The following DCLK2 variants were observed in gnomAD, a reference collection of about 807,000 sequenced individuals.
DCLK2 encodes doublecortin like kinase 2, also known as serine/threonine-protein kinase DCLK2.
Under a neutral mutation model 78.4 loss-of-function variants are expected in DCLK2, and 31 were observed. The ratio of observed to expected loss-of-function variants is 0.40; its 90% CI spans 0.30 to 0.53. DCLK2 has a LOEUF of 0.53. Ranked by LOEUF, DCLK2 falls within the 20% of genes least tolerant of loss-of-function variation. The pLI, the probability that DCLK2 is intolerant of heterozygous loss-of-function variation, is 0.61. For missense variants in DCLK2, 872 were observed against 973.7 expected, an observed-to-expected ratio of 0.90 and a Z score of 1.39; for synonymous variants, 407 against 374.9, an observed-to-expected ratio of 1.09 and a Z score of -0.99.
intron 2 of DCLK2, among the ~76,000 whole-genome samples, chr4:150,192,379 C>T (rs1205450411): frequency 6.7e-6 from 1 of 148,372 alleles, no homozygotes; most frequent in Non-Finnish European, 1.5e-5. Context: ...ACTTGGGAGG[C>T]TGAGACAGGA....
Position 150,257,022 on chromosome 4 carries a change from T to C in DCLK2, c.*775T>C, listed in dbSNP as rs1306075439. On this transcript the variant is annotated 3_prime_UTR_variant, in exon 16 of 16. Coordinates refer to ENST00000296550, the MANE Select transcript of DCLK2 (RefSeq NM_001040260.4). ...GTGTGTTAGGAAATGCCCGTGAACTTGCCCTCTGGGCTTTTTAATGAGAGG... is the reference window on the plus strand; with the variant it reads ...GTGTGTTAGGAAATGCCCGTGAACTCGCCCTCTGGGCTTTTTAATGAGAGG... 6.6e-6 allele frequency: 1 copy of C among 152,286 alleles called. No individual in the cohort carries two copies. Among genetic ancestry groups the C allele is most frequent in the Non-Finnish European group, 1.5e-5 (1 of 68,064 alleles). 9.4% of individuals were successfully genotyped at this position (152,286 alleles called of 1,614,324 possible). A position where few individuals can be genotyped will look rare whatever the true frequency, so the allele number is the denominator to read the frequency against.
intron 10 of DCLK2, among the ~76,000 whole-genome samples, chr4:150,233,677 A>G (rs1251394397): frequency 6.6e-6 from 1 of 152,190 alleles, no homozygotes; most frequent in Non-Finnish European, 1.5e-5. Context: ...ATTATTCTAC[A>G]GAATAAAAAG....
At chr4:150,175,011 A>AAAAAATATATAT (rs1454035697) in intron 2 of DCLK2, among the ~76,000 whole-genome samples, 786 of 9,974 alleles carry the variant, frequency 0.079, 259 homozygotes, top group South Asian at 0.43. Context: ...AAAAAAAAAA[A>AAAAAATATATAT]ATATATATAT....
chr4:150,134,028 TA>T (rs1378492175), intron 2 of DCLK2, among the ~76,000 whole-genome samples: 1 of 151,468 alleles, frequency 6.6e-6, no homozygotes, highest in African/African-American at 2.4e-5. Flanking sequence ...ATGAGAATTA[TA>T]AATTTTGAAA....
intron 2 of DCLK2, among the ~76,000 whole-genome samples, chr4:150,187,817 T>TG (rs1220661989): frequency 4.4e-4 from 66 of 151,392 alleles, no homozygotes; most frequent in Admixed American, 2.0e-3. Context: ...TTTTTTTTTT[T>TG]TGTGACAGAG....
chr4:150,253,469 GAC>G, intron 15 of DCLK2: 9 of 1,289,650 alleles, frequency 7.0e-6, no homozygotes, highest in Non-Finnish European at 9.1e-6. Context: ...CATTTTGTTT[GAC>G]AGTTTGATTT....
chr4:150,204,014 C>T, intron 5 of DCLK2, 125 bp downstream of exon 5: 1 of 864,288 alleles, frequency 1.2e-6, no homozygotes, highest in Non-Finnish European at 1.7e-6. Context: ...GATTTTGAGC[C>T]TGGTAGACTT....
At position 150,190,059 on chromosome 4, in the gene DCLK2, T is replaced by G. The variant is rs1252055419; in HGVS notation, c.757-3079T>G. 4.1e-3 allele frequency among the ~76,000 whole-genome samples: 83 copies of G among 20,238 alleles called. 2 individuals are homozygous for G. Among genetic ancestry groups the G allele is most frequent in the Non-Finnish European group, 5.4e-3 (40 of 7,356 alleles). 13.3% of individuals were successfully genotyped at this position (20,238 alleles called of 152,430 possible). A position where few individuals can be genotyped will look rare whatever the true frequency, so the allele number is the denominator to read the frequency against. On this transcript the variant is annotated intron_variant, in intron 2 of 15. Transcript: ENST00000296550. ...CAAAAAAAAAAAAAAAAAGGCCAAG[T>G]GTGGTGGCTGTGGTCCCAGCTACTC... is the stretch of plus-strand genomic sequence containing the variant.
chr4:150,220,877 A>G, intron 6 of DCLK2, 99 bp downstream of exon 6: 1 of 971,754 alleles, frequency 1.0e-6, no homozygotes, highest in Non-Finnish European at 1.6e-6. Flanking sequence ...ATCTTCCTAA[A>G]GAGGGATGTG....
Position 150,175,011 on chromosome 4 carries a change from A to AAAAAAAAAAT in DCLK2, c.757-18126_757-18125insAAAAAAAATA, listed in dbSNP as rs1454035697. On this transcript the variant is annotated intron_variant, in intron 2 of 15. Transcript: ENST00000296550. ...AGACTCCGTCGCAAAAAAAAAAAAA[A>AAAAAAAAAAT]ATATATATATATATATATATATTTA... Among the ~76,000 whole-genome samples, 13 of 9,976 alleles carry AAAAAAAAAAT rather than the reference A, an allele frequency of 1.3e-3. 5 individuals carry two copies. The highest frequency in any genetic ancestry group is 1.7e-3 in the Non-Finnish European group (7 of 4,166). The allele number at this position is 9,976 out of a possible 152,430, so 6.5% of individuals were successfully genotyped here.
At chr4:150,118,221 C>T (rs1046380083) in intron 2 of DCLK2, among the ~76,000 whole-genome samples, 3 of 151,640 alleles carry the variant, frequency 2.0e-5, no homozygotes, top group South Asian at 2.1e-4. Flanking sequence ...ATGGTAATGA[C>T]GAGGGACAGG....
chr4:150,122,498 C>T (rs1732621678), intron 2 of DCLK2, among the ~76,000 whole-genome samples: 1 of 152,082 alleles, frequency 6.6e-6, no homozygotes, highest in Non-Finnish European at 1.5e-5. Flanking sequence ...CAAACTAACA[C>T]AGGAAGAGAA....
At chr4:150,083,245 A>C (rs532540144) in intron 1 of DCLK2, among the ~76,000 whole-genome samples, 2 of 152,334 alleles carry the variant, frequency 1.3e-5, no homozygotes, top group South Asian at 4.1e-4. Context: ...CCAAGAGTCA[A>C]AGGCATTAAG....
intron 2 of DCLK2, among the ~76,000 whole-genome samples, chr4:150,123,366 A>G (rs1166498435): frequency 5.3e-5 from 8 of 152,038 alleles, no homozygotes; most frequent in Non-Finnish European, 1.2e-4. Context: ...GCCCAAGGAG[A>G]GGGAGAGAGA....
chr4:150,217,306 A>G (rs947858729), intron 5 of DCLK2, among the ~76,000 whole-genome samples: 1 of 152,212 alleles, frequency 6.6e-6, no homozygotes, highest in African/African-American at 2.4e-5. Context: ...GCTTTGCCTT[A>G]TATTTAACAA....
At chr4:150,192,687 C>T (rs1002596196) in intron 2 of DCLK2, among the ~76,000 whole-genome samples, 2 of 151,974 alleles carry the variant, frequency 1.3e-5, no homozygotes, top group Admixed American at 1.3e-4. Context: ...TATTAATCCT[C>T]GAAACAACCC....
chr4:150,204,752 C>A (rs1444740378), intron 5 of DCLK2, among the ~76,000 whole-genome samples: 1 of 151,996 alleles, frequency 6.6e-6, no homozygotes, highest in Non-Finnish European at 1.5e-5. Flanking sequence ...ATTAGCCGGG[C>A]CTGGTGGTAC....
intron 2 of DCLK2, among the ~76,000 whole-genome samples, chr4:150,184,184 T>G (rs914400710): frequency 1.3e-5 from 2 of 152,216 alleles, no homozygotes; most frequent in African/African-American, 4.8e-5. Context: ...AACCAGGCAG[T>G]TAACCTCAAT....
intron 15 of DCLK2, among the ~76,000 whole-genome samples, chr4:150,250,870 C>T (rs1305230839): frequency 1.0e-5 from 1 of 96,254 alleles, no homozygotes; most frequent in Admixed American, 1.0e-4. Context: ...ACACCCCCAA[C>T]ATCCCCCACA....
Sources: allele counts gnomAD v4.1 joint callset (sites outside exome capture counted in the v4.1 genomes callset), GRCh38; gene constraint gnomAD v4.1.1; transcripts MANE v1.5; gene names NCBI Gene and HGNC (gene_info 2026-07-23, HGNC 2026-07-21).